The following ERI1 variants were observed in gnomAD, a reference collection of about 807,000 sequenced individuals.
ERI1 encodes 3'-5' exoribonuclease 1.
ERI1 carries 39 observed loss-of-function variants against 39.7 expected under a neutral mutation model. The observed-to-expected ratio is 0.98, with a 90% CI of 0.76 to 1.28. The LOEUF (loss-of-function observed/expected upper bound fraction) is 1.28, where lower values mean the gene tolerates loss of function less well. Ranked by LOEUF, ERI1 falls within the 50% of genes most tolerant of loss-of-function variation. The pLI, the probability that ERI1 is intolerant of heterozygous loss-of-function variation, is 0.00. For missense variants in ERI1, 581 were observed against 416.9 expected, an observed-to-expected ratio of 1.39 and a Z score of -3.43; for synonymous variants, 204 against 149.6, an observed-to-expected ratio of 1.36 and a Z score of -2.65.
rs536520146 is a variant in ERI1 at position 9,014,183 on chromosome 8, A to G, written c.499-2139A>G. Reference sequence around the variant, plus strand: ...TTCCTTAACTCATTCCACTCCAGGCATACTGACCTGCTTGCTCATTCTCAA... The same window carrying G: ...TTCCTTAACTCATTCCACTCCAGGCGTACTGACCTGCTTGCTCATTCTCAA... On this transcript the variant is annotated intron_variant, in intron 3 of 6. Coordinates refer to ENST00000250263, the MANE Select transcript of ERI1 (RefSeq NM_153332.4). Among the ~76,000 whole-genome samples the G allele has an allele frequency of 2.6e-5, 4 of 152,250 alleles. No individual in the cohort carries two copies. In the East Asian group the frequency reaches 7.7e-4, roughly 29 times the overall value.
rs1390947697 is a variant in ERI1, at chr8:9,016,232, T to C, written c.499-90T>C. ...TTTATGCCGTGAGATCCTATGAAAT[T>C]GCAACCTGCTGTGATGAATTCGTCG... On this transcript the variant is annotated intron_variant, in intron 3 of 6. Coordinates refer to ENST00000250263, the MANE Select transcript of ERI1 (RefSeq NM_153332.4). 4 of 637,818 alleles carry C rather than the reference T, an allele frequency of 6.3e-6. No homozygotes were observed. In the South Asian group the frequency reaches 1.3e-4, roughly 20 times the overall value. 39.5% of individuals were successfully genotyped at this position (637,818 alleles called of 1,614,324 possible).
chr8:9,096,382 A>AC (rs1799878147), intron 3 of ERI1, among the ~76,000 whole-genome samples: 1 of 152,100 alleles, frequency 6.6e-6, no homozygotes, highest in Non-Finnish European at 1.5e-5. Flanking sequence ...GAGGACACCT[A>AC]CCCTTGGTTC....
At chr8:9,076,118 G>A (rs573584101) in intron 3 of ERI1, among the ~76,000 whole-genome samples, 4 of 152,212 alleles carry the variant, frequency 2.6e-5, no homozygotes, top group Non-Finnish European at 4.4e-5. Context: ...TGCTGCTGTT[G>A]TTGTTTTGTA....
At chr8:9,062,865 C>T (rs945679822) in intron 3 of ERI1, 2 of 151,976 alleles carry the variant, frequency 1.3e-5, no homozygotes, top group African/African-American at 4.8e-5. Context: ...TGTGGGCATT[C>T]CTTGGCCCAG....
intron 6 of ERI1, among the ~76,000 whole-genome samples, chr8:9,025,566 C>G (rs796984564): frequency 2.6e-5 from 4 of 152,314 alleles, no homozygotes; most frequent in African/African-American, 9.6e-5. Context: ...CCAGAGGAAG[C>G]AAGAGGTTGG....
At chr8:9,007,826 G>C in intron 1 of ERI1, 144 bp from the exon 2 acceptor site, 1 of 1,236,906 alleles carries the variant, frequency 8.1e-7, no homozygotes, top group Non-Finnish European at 1.1e-6. Context: ...CCTCCGTTTA[G>C]GAGCTGCAGT....
chr8:9,027,110 A>G (rs1797220913), intron 6 of ERI1, among the ~76,000 whole-genome samples: 1 of 150,048 alleles, frequency 6.7e-6, no homozygotes, highest in East Asian at 1.9e-4. Flanking sequence ...CATTCTCCAC[A>G]TCTCTGTCAA....
At position 9,029,983 on chromosome 8, in the gene ERI1, C is replaced by G. The variant is rs1406008501; in HGVS notation, c.999C>G (p.Ser333=). Residue 333 remains serine (S), a synonymous_variant, in exon 7 of 7, where the codon TCC becomes TCG. Coordinates refer to ENST00000250263, the MANE Select transcript of ERI1 (RefSeq NM_153332.4). ...HAGQLMSVSS[S]LPIEGTPPPQ... is the part of the protein sequence containing the mutation. The stretch of plus-strand genomic sequence containing the variant: ...GACAGCTAATGAGTGTGTCCTCTTC[C>G]TTACCAATAGAGGGCACTCCACCAC... The G allele has an allele frequency of 1.9e-6, 3 of 1,613,942 alleles. No homozygotes were observed. Among genetic ancestry groups the G allele is most frequent in the African/African-American group, 2.7e-5 (2 of 74,906 alleles).
rs570394102 is a variant in ERI1 at position 9,031,046 on chromosome 8, A to T, written c.*1012A>T. ...ACTAATTCTAAAAACTAAAATGTGC[A>T]TTTCGACTTGATAAGGTAAAACTCT... On this transcript the variant is annotated 3_prime_UTR_variant, in exon 7 of 7. Transcript: ENST00000250263. 2.2e-4 allele frequency: 33 copies of T among 152,294 alleles called. 1 individual carries two copies. Among genetic ancestry groups the T allele is most frequent in the Admixed American group, 2.0e-3 (31 of 15,300 alleles). 9.4% of individuals were successfully genotyped at this position (152,294 alleles called of 1,614,324 possible).
At chr8:9,073,171 C>T (rs912029480) in intron 3 of ERI1, among the ~76,000 whole-genome samples, 3 of 152,212 alleles carry the variant, frequency 2.0e-5, no homozygotes, top group Non-Finnish European at 2.9e-5. Flanking sequence ...TGGCCTCATG[C>T]CTTCGGCTTT....
chr8:9,028,362 A>G (rs968402098), intron 6 of ERI1, among the ~76,000 whole-genome samples: 7 of 152,192 alleles, frequency 4.6e-5, no homozygotes, highest in African/African-American at 9.7e-5. Flanking sequence ...TGGGCAAACT[A>G]TTTTTAGAAG....
chr8:9,028,546 C>G (rs1015043655), intron 6 of ERI1, among the ~76,000 whole-genome samples: 3 of 152,160 alleles, frequency 2.0e-5, no homozygotes, highest in African/African-American at 7.2e-5. Context: ...GTCCAAGATG[C>G]ATAGGCAAAA....
At chr8:9,014,347 C>G (rs1053424180) in intron 3 of ERI1, among the ~76,000 whole-genome samples, 2 of 152,142 alleles carry the variant, frequency 1.3e-5, no homozygotes, top group Non-Finnish European at 2.9e-5. Flanking sequence ...TAAATCTTAC[C>G]TCTAAATAAA....
chr8:9,083,674 C>G (rs961165636), intron 3 of ERI1, among the ~76,000 whole-genome samples: 1 of 151,722 alleles, frequency 6.6e-6, no homozygotes. Flanking sequence ...CTGCTTCATG[C>G]TTGGCACAGT....
chr8:9,047,416 G>A (rs1350937149), intron 3 of ERI1, among the ~76,000 whole-genome samples: 2 of 152,152 alleles, frequency 1.3e-5, no homozygotes, highest in African/African-American at 4.8e-5. Flanking sequence ...GCTGGCAGAT[G>A]CTTGCCACTA....
intron 3 of ERI1, among the ~76,000 whole-genome samples, chr8:9,012,597 T>C (rs1388251909): frequency 7.2e-5 from 11 of 152,216 alleles, no homozygotes; most frequent in Non-Finnish European, 1.6e-4. Context: ...GGTCAGTAAA[T>C]TAGAAGGAAA....
chr8:9,059,563 A>G (rs1202062481), intron 3 of ERI1, among the ~76,000 whole-genome samples: 1 of 152,146 alleles, frequency 6.6e-6, no homozygotes, highest in Non-Finnish European at 1.5e-5. Flanking sequence ...ATGATGGCCT[A>G]GATACAATTT....
intron 3 of ERI1, among the ~76,000 whole-genome samples, chr8:9,076,264 G>T (rs1350593396): frequency 6.6e-6 from 1 of 152,070 alleles, no homozygotes; most frequent in Non-Finnish European, 1.5e-5. Flanking sequence ...AAATCTGAAG[G>T]AAAAAATACA....
chr8:9,066,454 G>A (rs963256536), intron 3 of ERI1, among the ~76,000 whole-genome samples: 7 of 152,242 alleles, frequency 4.6e-5, no homozygotes, highest in African/African-American at 9.6e-5. Flanking sequence ...TTTTCAGAGC[G>A]GCCAGTGGGC....
Sources: allele counts gnomAD v4.1 joint callset (sites outside exome capture counted in the v4.1 genomes callset), GRCh38; gene constraint gnomAD v4.1.1; transcripts MANE v1.5; gene names NCBI Gene and HGNC (gene_info 2026-07-23, HGNC 2026-07-21).